Variants in FAAH2 observed in about 807,000 individuals in gnomAD.
FAAH2 encodes fatty acid amide hydrolase 2.
A neutral mutation model predicts 36.9 loss-of-function variants in FAAH2; 60 were observed. The ratio of observed to expected loss-of-function variants is 1.63; its 90% confidence interval spans 1.32 to 2.02. The LOEUF (loss-of-function observed/expected upper bound fraction) is 2.02. FAAH2 is among the 30% of genes most tolerant of loss of function. The pLI is 0.00. For missense variants in FAAH2, 689 were observed against 397.5 expected, an observed-to-expected ratio of 1.73 and a Z score of -6.23; for synonymous variants, 214 against 143.8, an observed-to-expected ratio of 1.49 and a Z score of -3.49.
At chrX:57,322,211 C>T (rs768496901) in intron 3 of FAAH2, among the ~76,000 whole-genome samples, 29 of 111,611 alleles carry the variant, frequency 2.6e-4, no homozygotes, top group African/African-American at 7.5e-4. Context: ...ACCGTGGTCT[C>T]GATCTTCTGA....
chrX:57,159,222 A>AT, the FAAH2 span, among the ~76,000 whole-genome samples: 3 of 111,756 alleles, frequency 2.7e-5, no homozygotes, highest in Non-Finnish European at 3.8e-5. Flanking sequence ...TACCAGTACC[A>AT]TGCTGTTTTG....
At chrX:57,268,188 A>C in the FAAH2 span, among the ~76,000 whole-genome samples, 1 of 112,323 alleles carries the variant, frequency 8.9e-6, no homozygotes, top group Non-Finnish European at 1.9e-5. Context: ...ACACACTATA[A>C]AAATTTCATA....
At chrX:57,235,444 C>A in the FAAH2 span, among the ~76,000 whole-genome samples, 1 of 111,571 alleles carries the variant, frequency 9.0e-6, no homozygotes, top group African/African-American at 3.3e-5. Context: ...ATGATCTCTA[C>A]TTTAATACTA....
chrX:57,237,451 C>A, the FAAH2 span, among the ~76,000 whole-genome samples: 1 of 110,605 alleles, frequency 9.0e-6, no homozygotes, highest in Non-Finnish European at 1.9e-5. Flanking sequence ...AATTTTAACT[C>A]AATTTTATAC....
chrX:57,186,039 G>A, the FAAH2 span, among the ~76,000 whole-genome samples: 1 of 111,244 alleles, frequency 9.0e-6, no homozygotes, highest in African/African-American at 3.3e-5. Context: ...ATGTGCAGGA[G>A]TCTTTATAGT....
At chrX:57,428,333 G>C (rs1208727602) in intron 7 of FAAH2, among the ~76,000 whole-genome samples, 1 of 111,557 alleles carries the variant, frequency 9.0e-6, no homozygotes, top group Admixed American at 9.6e-5. Flanking sequence ...GCAATCTACA[G>C]ATTCATTTCA....
the FAAH2 span, among the ~76,000 whole-genome samples, chrX:57,168,399 C>T: frequency 1.8e-5 from 2 of 111,607 alleles, no homozygotes; most frequent in African/African-American, 6.5e-5. Context: ...CACACACACA[C>T]ACACACACAC....
intron 10 of FAAH2, among the ~76,000 whole-genome samples, chrX:57,458,913 G>A (rs967052620): frequency 2.7e-5 from 3 of 112,334 alleles, no homozygotes; most frequent in Admixed American, 1.9e-4. Flanking sequence ...CACTGTGCTA[G>A]CTGCAAGAGT....
chrX:57,402,100 A>G (rs1180405805), intron 7 of FAAH2, among the ~76,000 whole-genome samples: 5 of 111,349 alleles, frequency 4.5e-5, no homozygotes, highest in South Asian at 3.8e-4. Flanking sequence ...ATGTTCAAGC[A>G]TACCCGGGGC....
At chrX:57,226,988 T>C in the FAAH2 span, among the ~76,000 whole-genome samples, 22 of 111,517 alleles carry the variant, frequency 2.0e-4, no homozygotes, top group African/African-American at 6.8e-4. Flanking sequence ...GTGTGTCCAA[T>C]GTTTCCTGAA....
chrX:57,267,427 G>C, the FAAH2 span, among the ~76,000 whole-genome samples: 1 of 112,469 alleles, frequency 8.9e-6, no homozygotes, highest in Non-Finnish European at 1.9e-5. Flanking sequence ...CATGCTTGTG[G>C]GGCACAGAAT....
At chrX:57,125,091 A>G in the FAAH2 span, among the ~76,000 whole-genome samples, 1 of 112,705 alleles carries the variant, frequency 8.9e-6, no homozygotes, top group Admixed American at 9.3e-5. Flanking sequence ...CCAGTTTTCA[A>G]CGGGAATGCT....
At chrX:57,371,447 A>G (rs1262143822) in intron 5 of FAAH2, among the ~76,000 whole-genome samples, 1 of 111,488 alleles carries the variant, frequency 9.0e-6, no homozygotes, top group Non-Finnish European at 1.9e-5. Context: ...GCTGCATAGT[A>G]CTCTGTGATA....
At chrX:57,393,486 T>C in intron 7 of FAAH2, 1 of 952,123 alleles carries the variant, frequency 1.1e-6, no homozygotes, top group Non-Finnish European at 1.5e-6. Flanking sequence ...TAGAGTGTGA[T>C]CCGGTCTGCA....
At chrX:57,371,398 C>T (rs2054546768) in intron 5 of FAAH2, among the ~76,000 whole-genome samples, 1 of 112,025 alleles carries the variant, frequency 8.9e-6, no homozygotes, top group African/African-American at 3.2e-5. Context: ...CCTCCAGCTC[C>T]ATCCATGCTT....
chrX:57,169,852 C>A, the FAAH2 span, among the ~76,000 whole-genome samples: 1 of 106,296 alleles, frequency 9.4e-6, no homozygotes, highest in Non-Finnish European at 1.9e-5. Flanking sequence ...ATTAGCATCT[C>A]TCTCTCTCTC....
chrX:57,339,130 C>T (rs1456936080), intron 4 of FAAH2, among the ~76,000 whole-genome samples: 1 of 111,528 alleles, frequency 9.0e-6, no homozygotes, highest in Non-Finnish European at 1.9e-5. Flanking sequence ...ACCATCTGAT[C>T]TTCTACAAAC....
chrX:57,319,864 C>T (rs2052964228), intron 3 of FAAH2, among the ~76,000 whole-genome samples: 1 of 111,507 alleles, frequency 9.0e-6, no homozygotes, highest in African/African-American at 3.3e-5. Context: ...AGAAATAATG[C>T]CACACATCTG....
In FAAH2 at chrX:57,482,385, G is replaced by T. The variant is rs1436353667; in HGVS notation, c.1424-6372G>T. On this transcript the variant is annotated intron_variant, in intron 10 of 10. Transcript: ENST00000374900. ...TGAAACTCAGGGCCCCGGTGGTGTA[G>T]GTACACAAGGGAATCTTCTGATCTG... 3.6e-5 allele frequency among the ~76,000 whole-genome samples: 4 copies of T among 111,599 alleles called. No homozygotes were observed. In the South Asian group the frequency reaches 1.5e-3, roughly 42 times the overall value.
Sources: allele counts gnomAD v4.1 joint callset (sites outside exome capture counted in the v4.1 genomes callset), GRCh38; gene constraint gnomAD v4.1.1; transcripts MANE v1.5; gene names NCBI Gene and HGNC (gene_info 2026-07-23, HGNC 2026-07-21).